Variants in NCOR1 observed in about 807,000 individuals in gnomAD.
NCOR1 encodes the protein nuclear receptor corepressor 1, also known as protein phosphatase 1, regulatory subunit 109.
In NCOR1, 63 loss-of-function variants were observed where a neutral mutation model predicts 288.1. That is an observed-to-expected ratio of 0.22 (90% confidence interval 0.18 to 0.27). The LOEUF is 0.27. Ranked by LOEUF, NCOR1 falls within the 10% of genes least tolerant of loss-of-function variation. The probability of loss-of-function intolerance (pLI) is 1.00; values close to 1 mark genes in which losing one functional copy is unlikely to be tolerated. For missense variants in NCOR1, 2,397 were observed against 3,019.2 expected (o/e 0.79, Z 4.83); for synonymous variants, 1,007 against 1,065.9 (o/e 0.94, Z 1.08).
At chr17:16,057,872 G>GA (rs1235649453) in intron 39 of NCOR1, 35 bp downstream of exon 39, 4 of 1,551,210 alleles carry the variant, frequency 2.6e-6, no homozygotes, top group Non-Finnish European at 3.5e-6. Flanking sequence ...GATCAAAAAA[G>GA]AAAAATTAAC....
intron 1 of NCOR1, among the ~76,000 whole-genome samples, chr17:16,195,594 T>C (rs756033345): frequency 6.6e-6 from 1 of 152,268 alleles, no homozygotes; most frequent in Non-Finnish European, 1.5e-5. Flanking sequence ...GCCACACTTT[T>C]CAAATTACTC....
At chr17:16,136,649 T>C (rs1349874157) in intron 14 of NCOR1, among the ~76,000 whole-genome samples, 2 of 151,700 alleles carry the variant, frequency 1.3e-5, no homozygotes, top group Non-Finnish European at 2.9e-5. Context: ...CTACTAAAAA[T>C]ACAAAAACTT....
chr17:16,131,196 T>G, intron 14 of NCOR1, among the ~76,000 whole-genome samples: 1 of 151,522 alleles, frequency 6.6e-6, no homozygotes, highest in East Asian at 1.9e-4. Context: ...ATTTTTCAGT[T>G]TTTTAACTTT....
At chr17:16,095,385 G>A (rs1291842327) in intron 21 of NCOR1, among the ~76,000 whole-genome samples, 2 of 151,458 alleles carry the variant, frequency 1.3e-5, no homozygotes, top group Non-Finnish European at 3.0e-5. Context: ...CCCCGCCCGG[G>A]AGGGAGGTGG....
intron 3 of NCOR1, among the ~76,000 whole-genome samples, chr17:16,183,230 C>CAAAAAAAAAAAAAAAAAAA (rs59665102): frequency 6.3e-4 from 40 of 63,600 alleles, no homozygotes; most frequent in East Asian, 1.2e-3. Context: ...AGCAATCAAA[C>CAAAAAAAAAAAAAAAAAAA]AAAAAAAAAA....
chr17:16,126,306 G>A, intron 14 of NCOR1, 100 bp from the exon 15 acceptor site: 19 of 1,202,336 alleles, frequency 1.6e-5, no homozygotes, highest in Non-Finnish European at 1.9e-5. Flanking sequence ...TTAAATGATT[G>A]TTAGTCATTT....
intron 1 of NCOR1, among the ~76,000 whole-genome samples, chr17:16,215,005 G>A (rs1397876770): frequency 1.3e-5 from 2 of 152,170 alleles, no homozygotes; most frequent in Non-Finnish European, 2.9e-5. Flanking sequence ...CGCCACCTGC[G>A]CCGGCCCCAC....
At chr17:16,188,543 G>T (rs1405966687) in intron 2 of NCOR1, among the ~76,000 whole-genome samples, 1 of 151,774 alleles carries the variant, frequency 6.6e-6, no homozygotes, top group Non-Finnish European at 1.5e-5. Flanking sequence ...CCCAGGAGGG[G>T]GAGGGTGCAG....
intron 42 of NCOR1, chr17:16,044,583 C>G: frequency 1.9e-6 from 1 of 537,258 alleles, no homozygotes; most frequent in South Asian, 1.5e-5. Flanking sequence ...GCAACTACCA[C>G]CACGTCCGGC....
chr17:16,041,561 C>CAT lies in NCOR1; in HGVS notation c.6680-1068_6680-1067insAT, dbSNP rs1475645890. On this transcript the variant is annotated intron_variant, in intron 42 of 45. Transcript: ENST00000268712. ...CCCGAGCAGCTGGGATTATAGGCCC[C>CAT]CCGCCACCATGCCCAGCTAATTTTT... Among the ~76,000 whole-genome samples the CAT allele has an allele frequency of 5.3e-5, 8 of 151,428 alleles. No homozygotes were observed. The East Asian group carries it at 1.4e-3, about 26-fold the overall frequency.
intron 42 of NCOR1, among the ~76,000 whole-genome samples, chr17:16,041,490 T>C (rs185369700): frequency 6.9e-6 from 1 of 144,426 alleles, no homozygotes; most frequent in Non-Finnish European, 1.5e-5. Flanking sequence ...CTAGGCTCAC[T>C]GCAACCTCTG....
At position 16,058,470 on chromosome 17, in the gene NCOR1, C is replaced by T. The variant is rs2152560064; in HGVS notation, c.6010+1G>A. On this transcript the variant is annotated splice_donor_variant, in intron 38 of 45. Transcript: ENST00000268712. LOFTEE classifies it high-confidence loss of function. Reference sequence around the variant, plus strand: ...GTAAATGGTAGCTTAAGAAGACATACTTTCCGCTTGATTTGCCTTAACAAC... The same window carrying T: ...GTAAATGGTAGCTTAAGAAGACATATTTTCCGCTTGATTTGCCTTAACAAC... The T allele has an allele frequency of 6.2e-7, 1 of 1,611,806 alleles. No individual in the cohort carries two copies. The highest frequency in any genetic ancestry group is 1.3e-5 in the African/African-American group (1 of 74,772).
intron 19 of NCOR1, among the ~76,000 whole-genome samples, chr17:16,106,852 G>GAC (rs1320557556): frequency 1.2e-4 from 11 of 94,878 alleles, no homozygotes; most frequent in African/African-American, 4.7e-4. Flanking sequence ...CACTTGATCA[G>GAC]ACATATATAT....
At chr17:16,116,854 T>C (rs190175520) in intron 18 of NCOR1, among the ~76,000 whole-genome samples, 1 of 152,346 alleles carries the variant, frequency 6.6e-6, no homozygotes, top group East Asian at 1.9e-4. Flanking sequence ...AAACTGCAAA[T>C]GCTCAGCGAT....
At position 16,215,414 on chromosome 17, in the gene NCOR1, ACG is replaced by A. The variant is rs951902275; in HGVS notation, c.-125_-124del. 1.0e-4 allele frequency: 41 copies of A among 396,028 alleles called. No individual in the cohort carries two copies. The highest frequency in any genetic ancestry group is 7.8e-4 in the African/African-American group (38 of 48,552). The allele number at this position is 396,028 out of a possible 1,614,324, so 24.5% of individuals were successfully genotyped here. A position where few individuals can be genotyped will look rare whatever the true frequency, so the allele number is the denominator to read the frequency against. ...CGTGCGCCCCGGCCTGAGGAGTGGG[ACG>A]CGGCCACGGCGCGCGGCCCTACACC... is the stretch of plus-strand genomic sequence containing the variant. On this transcript the variant is annotated 5_prime_UTR_variant, in exon 1 of 46. Coordinates refer to ENST00000268712, the MANE Select transcript of NCOR1 (RefSeq NM_006311.4).
intron 16 of NCOR1, among the ~76,000 whole-genome samples, chr17:16,119,929 C>G (rs551171225): frequency 2.6e-5 from 4 of 152,246 alleles, no homozygotes; most frequent in African/African-American, 7.2e-5. Context: ...GAGTGTCTGA[C>G]ATCCAGTGGG....
rs749242841 is a variant in NCOR1, at chr17:16,098,451, T to C, written c.2736A>G (p.Gly912=). Residue 912 remains glycine (G), a synonymous_variant, in exon 21 of 46, where the codon GGA becomes GGG. Coordinates refer to ENST00000268712, the MANE Select transcript of NCOR1 (RefSeq NM_006311.4). ...TTAACGGAGATGAGACGAGTATAGA[T>C]CCAGTGGGGTTTAACAGTGAAGGCT... ...DSKPSLLNPT[G]SILVSSPLKP... 1.2e-6 allele frequency: 2 copies of C among 1,613,868 alleles called. No homozygotes were observed. Among genetic ancestry groups the C allele is most frequent in the Non-Finnish European group, 1.7e-6 (2 of 1,179,832 alleles).
Position 16,091,849 on chromosome 17 carries a change from C to G in NCOR1, c.3016+14G>C, listed in dbSNP as rs532020494. 1.6e-5 allele frequency: 26 copies of G among 1,613,830 alleles called. No homozygotes were observed. The East Asian group carries it at 4.5e-4, about 28-fold the overall frequency. The stretch of plus-strand genomic sequence containing the variant: ...TTCATAAAAGTTCTCTTGGTGATAG[C>G]TCTATCTACCTACCTTCCCACTCTC... On this transcript the variant is annotated intron_variant, in intron 22 of 45. Transcript: ENST00000268712.
chr17:16,084,703 C>G (rs989821551), intron 23 of NCOR1, among the ~76,000 whole-genome samples: 1 of 151,990 alleles, frequency 6.6e-6, no homozygotes, highest in African/African-American at 2.4e-5. Context: ...GGAACTGAAG[C>G]GATCAAATGA....
Sources: allele counts gnomAD v4.1 joint callset (sites outside exome capture counted in the v4.1 genomes callset), GRCh38; gene constraint gnomAD v4.1.1; transcripts MANE v1.5; gene names NCBI Gene and HGNC (gene_info 2026-07-23, HGNC 2026-07-21).